The following RASGEF1A variants were observed in gnomAD, a reference collection of about 807,000 sequenced individuals.
RASGEF1A encodes ras-GEF domain-containing family member 1A.
A neutral mutation model predicts 56.4 loss-of-function variants in RASGEF1A; 18 were observed. The ratio of observed to expected loss-of-function variants is 0.32; its 90% CI spans 0.22 to 0.47. The LOEUF is 0.47. RASGEF1A is among the 20% of genes least tolerant of loss of function. The pLI is 1.00. For missense variants in RASGEF1A, 422 were observed against 627.1 expected (o/e 0.67, Z 3.49); for synonymous variants, 245 against 242.6 (o/e 1.01, Z -0.09).
intron 1 of RASGEF1A, among the ~76,000 whole-genome samples, chr10:43,249,300 C>A (rs922567439): frequency 6.6e-6 from 1 of 152,206 alleles, no homozygotes; most frequent in Non-Finnish European, 1.5e-5. Flanking sequence ...CACGTCTGAC[C>A]ATCTGTATGT....
chr10:43,237,770 C>T (rs1018154060), intron 1 of RASGEF1A, among the ~76,000 whole-genome samples: 2 of 152,150 alleles, frequency 1.3e-5, no homozygotes, highest in African/African-American at 4.8e-5. Context: ...GATCCCACGA[C>T]ACCCAGCCCC....
At chr10:43,264,549 G>C (rs1439875857) in intron 1 of RASGEF1A, among the ~76,000 whole-genome samples, 1 of 151,694 alleles carries the variant, frequency 6.6e-6, no homozygotes, top group Non-Finnish European at 1.5e-5. Context: ...CGGGAGGCAG[G>C]CTGGAGTGGG....
At chr10:43,206,300 C>T (rs1020051902) in intron 1 of RASGEF1A, among the ~76,000 whole-genome samples, 178 bp from the exon 2 acceptor site, 1 of 152,160 alleles carries the variant, frequency 6.6e-6, no homozygotes, top group Admixed American at 6.5e-5. Flanking sequence ...CTTGGTGGTC[C>T]CCCAGCCGCT....
chr10:43,218,995 A>C (rs1840172252), intron 1 of RASGEF1A, among the ~76,000 whole-genome samples: 1 of 152,038 alleles, frequency 6.6e-6, no homozygotes, highest in Non-Finnish European at 1.5e-5. Flanking sequence ...CTTTCTGTCC[A>C]GTCAGCTTCT....
chr10:43,210,113 G>A (rs1840045298), intron 1 of RASGEF1A, among the ~76,000 whole-genome samples: 1 of 152,226 alleles, frequency 6.6e-6, no homozygotes. Flanking sequence ...ATGTGCAGGT[G>A]AATGGAAGGC....
chr10:43,229,408 C>G (rs973368209), intron 1 of RASGEF1A, among the ~76,000 whole-genome samples: 1 of 152,240 alleles, frequency 6.6e-6, no homozygotes, highest in Admixed American at 6.5e-5. Flanking sequence ...GTGCTCTCGG[C>G]GTCCGCGGGC....
rs113151518 is a variant in RASGEF1A at position 43,252,983 on chromosome 10, C to T, written c.-7+13862G>A. 5.2e-3 allele frequency among the ~76,000 whole-genome samples: 795 copies of T among 152,328 alleles called. 5 individuals carry two copies. The highest frequency in any genetic ancestry group is 0.017 in the African/African-American group (722 of 41,568). Reference sequence around the variant, plus strand: ...TCTCCTCACAGAGCACCGCACCCCACGCCTTCAGGACCAGCGAGTTCAAAG... The same window carrying T: ...TCTCCTCACAGAGCACCGCACCCCATGCCTTCAGGACCAGCGAGTTCAAAG... On this transcript the variant is annotated intron_variant, in intron 1 of 12. Transcript: ENST00000395810.
chr10:43,229,605 C>T (rs1840333499), intron 1 of RASGEF1A: 1 of 1,470,420 alleles, frequency 6.8e-7, no homozygotes, highest in Non-Finnish European at 9.0e-7. Flanking sequence ...CCCTGCCCCG[C>T]GGCCTTGCGC....
chr10:43,241,021 A>G (rs139971728), intron 1 of RASGEF1A, among the ~76,000 whole-genome samples: 139 of 152,366 alleles, frequency 9.1e-4, no homozygotes, highest in African/African-American at 3.2e-3. Context: ...TACCTGACAA[A>G]TAAAATAGAG....
rs115361675 is a variant in RASGEF1A, at chr10:43,231,082, G to A, written c.-6-24960C>T. On this transcript the variant is annotated intron_variant, in intron 1 of 12. Transcript: ENST00000395810. ...TGCAGCGCCTGTGGGTGGGCAGTGCGGGGAGTACGAGGCAACCAGGCAGAA... is the reference window on the plus strand; with the variant it reads ...TGCAGCGCCTGTGGGTGGGCAGTGCAGGGAGTACGAGGCAACCAGGCAGAA... Among the ~76,000 whole-genome samples, 279 of 152,340 alleles carry A rather than the reference G, an allele frequency of 1.8e-3. 1 individual carries two copies. Among genetic ancestry groups the A allele is most frequent in the African/African-American group, 6.1e-3 (254 of 41,576 alleles).
chr10:43,260,550 C>A (rs1184511769), intron 1 of RASGEF1A, among the ~76,000 whole-genome samples: 1 of 152,198 alleles, frequency 6.6e-6, no homozygotes, highest in African/African-American at 2.4e-5. Flanking sequence ...CGGGCAGGGC[C>A]AAGTGGCTCC....
intron 1 of RASGEF1A, among the ~76,000 whole-genome samples, chr10:43,238,988 C>T (rs554730856): frequency 6.6e-6 from 1 of 152,308 alleles, no homozygotes; most frequent in East Asian, 1.9e-4. Context: ...CACAGGCTCT[C>T]GAAGAAGGGG....
chr10:43,237,424 AACTCCC>A (rs1322235869), intron 1 of RASGEF1A, among the ~76,000 whole-genome samples: 2 of 118,520 alleles, frequency 1.7e-5, no homozygotes, highest in African/African-American at 6.5e-5. Context: ...TTGTGCCCCT[AACTCCC>A]ACTCTCCCCC....
intron 1 of RASGEF1A, among the ~76,000 whole-genome samples, chr10:43,247,016 C>T (rs1840573465): frequency 6.6e-6 from 1 of 152,028 alleles, no homozygotes; most frequent in African/African-American, 2.4e-5. Flanking sequence ...ATTTGCATGC[C>T]ATATATGTTA....
chr10:43,232,811 A>G (rs1245011810), intron 1 of RASGEF1A, among the ~76,000 whole-genome samples: 2 of 152,170 alleles, frequency 1.3e-5, no homozygotes, highest in African/African-American at 2.4e-5. Context: ...TAGCAGTGTG[A>G]GAACAGACTA....
At chr10:43,259,507 A>G (rs929207387) in intron 1 of RASGEF1A, among the ~76,000 whole-genome samples, 8 of 152,162 alleles carry the variant, frequency 5.3e-5, no homozygotes, top group Non-Finnish European at 1.0e-4. Context: ...CGGAGTCCCC[A>G]TGGAATCAGG....
intron 1 of RASGEF1A, among the ~76,000 whole-genome samples, chr10:43,250,476 AC>A (rs1024990170): frequency 6.6e-6 from 1 of 152,020 alleles, no homozygotes; most frequent in Non-Finnish European, 1.5e-5. Context: ...GCCCCACCCC[AC>A]CCAAGACGAC....
In RASGEF1A at chr10:43,219,234, C is replaced by G. The variant is rs573206370; in HGVS notation, c.-6-13112G>C. On this transcript the variant is annotated intron_variant, in intron 1 of 12. Coordinates refer to ENST00000395810, the MANE Select transcript of RASGEF1A (RefSeq NM_145313.4). ...ACGCCATCAGATTCTGCAGGGGTAA[C>G]GAGAGCCTCCTGTAGATGGGTGGGC... Among the ~76,000 whole-genome samples, 11 of 152,324 alleles carry G rather than the reference C, an allele frequency of 7.2e-5. No individual in the cohort carries two copies. In the East Asian group the frequency reaches 2.1e-3, roughly 29 times the overall value.
chr10:43,243,960 G>A (rs1840539327), intron 1 of RASGEF1A, among the ~76,000 whole-genome samples: 1 of 152,120 alleles, frequency 6.6e-6, no homozygotes, highest in Non-Finnish European at 1.5e-5. Context: ...GGAAATGTGG[G>A]GAAAAGAAAG....
Sources: gnomAD v4.1 joint callset for allele counts (sites outside exome capture counted in the v4.1 genomes callset) on GRCh38, gnomAD v4.1.1 for gene constraint, MANE v1.5 for transcripts, NCBI Gene and HGNC (gene_info 2026-07-23, HGNC 2026-07-21) for gene names.